The following NALCN variants were observed in gnomAD, a reference collection of about 807,000 sequenced individuals.
NALCN encodes sodium leak channel, non-selective.
A neutral mutation model predicts 225.3 loss-of-function variants in NALCN; 111 were observed. The observed-to-expected ratio is 0.49, with a 90% CI of 0.42 to 0.58. The LOEUF is 0.58. Among genes scored for constraint, NALCN ranks in the 20% least tolerant of loss-of-function variants. The pLI, the probability that NALCN is intolerant of heterozygous loss-of-function variation, is 0.00. For missense variants in NALCN, 1,378 were observed against 2,202.4 expected (o/e 0.63, Z 7.49); for synonymous variants, 764 against 769.0 (o/e 0.99, Z 0.11).
chr13:101,287,626 G>T lies in NALCN; in HGVS notation c.1048-3607C>A, dbSNP rs138252672. Among the ~76,000 whole-genome samples the T allele has an allele frequency of 3.5e-4, 54 of 152,306 alleles. 1 individual carries two copies. The highest frequency in any genetic ancestry group is 1.2e-3 in the African/African-American group (51 of 41,568). The stretch of plus-strand genomic sequence containing the variant: ...CAATATATGGGAGTGACTGTAAGAA[G>T]ATGTTCTGAATTAGTAGAATCTCAC... On this transcript the variant is annotated intron_variant, in intron 9 of 43. Coordinates refer to ENST00000251127, the MANE Select transcript of NALCN (RefSeq NM_052867.4).
chr13:101,248,494 G>A (rs1011885130), intron 11 of NALCN, among the ~76,000 whole-genome samples: 2 of 152,090 alleles, frequency 1.3e-5, no homozygotes, highest in Non-Finnish European at 2.9e-5. Flanking sequence ...GTAGTTTATG[G>A]CAATGAGATC....
At chr13:101,066,213 C>CTATTTGGGA (rs1474673790) in intron 39 of NALCN, among the ~76,000 whole-genome samples, 1 of 150,440 alleles carries the variant, frequency 6.6e-6, no homozygotes, top group Admixed American at 6.6e-5. Context: ...GTAGTCCCAG[C>CTATTTGGGA]TATTTGGGAG....
At chr13:101,216,614 G>A (rs990165841) in intron 13 of NALCN, among the ~76,000 whole-genome samples, 1 of 152,064 alleles carries the variant, frequency 6.6e-6, no homozygotes, top group Non-Finnish European at 1.5e-5. Context: ...TGAACTAATA[G>A]TTTTAAATAT....
chr13:101,212,958 T>C (rs1420617009), intron 13 of NALCN, among the ~76,000 whole-genome samples: 2 of 152,102 alleles, frequency 1.3e-5, no homozygotes, highest in South Asian at 2.1e-4. Context: ...TTAAAGTTCA[T>C]ATGGAACCAA....
chr13:101,408,486 G>T (rs2047685258), intron 1 of NALCN, among the ~76,000 whole-genome samples: 1 of 152,138 alleles, frequency 6.6e-6, no homozygotes, highest in East Asian at 1.9e-4. Flanking sequence ...GGAGAACTAA[G>T]ACAGCATCAA....
At chr13:101,212,826 T>C (rs1014331185) in intron 13 of NALCN, among the ~76,000 whole-genome samples, 1 of 152,024 alleles carries the variant, frequency 6.6e-6, no homozygotes, top group Non-Finnish European at 1.5e-5. Context: ...TGAAGTCTTA[T>C]CCATCTGATA....
chr13:101,092,219 C>T (rs1164354156), intron 28 of NALCN, among the ~76,000 whole-genome samples: 1 of 152,082 alleles, frequency 6.6e-6, no homozygotes. Context: ...AGTTTTTTAC[C>T]TCCCAGAGGA....
intron 14 of NALCN, among the ~76,000 whole-genome samples, chr13:101,182,130 T>A (rs2139966621): frequency 2.2e-5 from 1 of 46,208 alleles, no homozygotes; most frequent in African/African-American, 9.1e-5. Context: ...CGAGACTCCA[T>A]CTCAAAAAAA....
rs1425652143 is a variant in NALCN at position 101,124,286 on chromosome 13, C to T, written c.2192+322G>A. On this transcript the variant is annotated intron_variant, in intron 18 of 43. Coordinates refer to ENST00000251127, the MANE Select transcript of NALCN (RefSeq NM_052867.4). Reference sequence around the variant, plus strand: ...CTTTTACCATTTATCCTTTAGATTGCAATTTCTCCTTTACATATCACAAAA... The same window carrying T: ...CTTTTACCATTTATCCTTTAGATTGTAATTTCTCCTTTACATATCACAAAA... 2.3e-4 allele frequency among the ~76,000 whole-genome samples: 35 copies of T among 152,030 alleles called. 2 individuals are homozygous for T. Among genetic ancestry groups the T allele is most frequent in the Admixed American group, 2.3e-3 (35 of 15,264 alleles).
Position 101,337,515 on chromosome 13 carries a change from C to T in NALCN, c.799+7751G>A, listed in dbSNP as rs991765276. ...TAGAGACAGGATTTCACTATGTTGC[C>T]CAGGCTGGTCTTGAATTCCTGACCT... On this transcript the variant is annotated intron_variant, in intron 7 of 43. Coordinates refer to ENST00000251127, the MANE Select transcript of NALCN (RefSeq NM_052867.4). Among the ~76,000 whole-genome samples, 6 of 151,972 alleles carry T rather than the reference C, an allele frequency of 3.9e-5. 1 individual carries two copies. Among genetic ancestry groups the T allele is most frequent in the African/African-American group, 1.5e-4 (6 of 41,378 alleles).
rs376367069 is a variant in NALCN, at chr13:101,406,763, G to T, written c.-39-7598C>A. ...CATTTATTATTCCTTTTTCCTTGAGGATGAATCCTAGAAATATTCTATTAT... is the reference window on the plus strand; with the variant it reads ...CATTTATTATTCCTTTTTCCTTGAGTATGAATCCTAGAAATATTCTATTAT... On this transcript the variant is annotated intron_variant, in intron 1 of 43. Coordinates refer to ENST00000251127, the MANE Select transcript of NALCN (RefSeq NM_052867.4). Among the ~76,000 whole-genome samples the T allele has an allele frequency of 2.0e-5, 3 of 152,148 alleles. No individual in the cohort carries two copies. In the East Asian group the frequency reaches 5.8e-4, roughly 29 times the overall value.
chr13:101,110,519 T>TGGGAATGCA (rs1430482503), intron 20 of NALCN, 100 bp downstream of exon 20: 31 of 1,265,630 alleles, frequency 2.4e-5, no homozygotes, highest in Non-Finnish European at 9.1e-6. Context: ...TAAGGAGACA[T>TGGGAATGCA]GGGAATGCAG....
chr13:101,279,613 G>A (rs1451582252), intron 10 of NALCN, among the ~76,000 whole-genome samples: 1 of 151,172 alleles, frequency 6.6e-6, no homozygotes, highest in Non-Finnish European at 1.5e-5. Flanking sequence ...TCAGGAGATC[G>A]AGACCATCCC....
At position 101,300,378 on chromosome 13, in the gene NALCN, C is replaced by T. The variant is rs902135767; in HGVS notation, c.800-8012G>A. Reference sequence around the variant, plus strand: ...TCTTTCTTTCTTTCTTTCCTTCCTTCCTTCCTTCCTTCCTTCCTTCCCTCC... The same window carrying T: ...TCTTTCTTTCTTTCTTTCCTTCCTTTCTTCCTTCCTTCCTTCCTTCCCTCC... On this transcript the variant is annotated intron_variant, in intron 7 of 43. Coordinates refer to ENST00000251127, the MANE Select transcript of NALCN (RefSeq NM_052867.4). Among the ~76,000 whole-genome samples, 5 of 143,468 alleles carry T rather than the reference C, an allele frequency of 3.5e-5. No homozygotes were observed. The Admixed American group carries it at 3.6e-4, about 10-fold the overall frequency. The allele number at this position is 143,468 out of a possible 152,430, so 94.1% of individuals were successfully genotyped here.
At chr13:101,120,931 A>G (rs766853361) in intron 18 of NALCN, among the ~76,000 whole-genome samples, 2 of 152,174 alleles carry the variant, frequency 1.3e-5, no homozygotes, top group Non-Finnish European at 2.9e-5. Context: ...ACAGACCTCC[A>G]TCCTACAAAC....
At chr13:101,345,453 T>C in intron 6 of NALCN, 33 bp from the exon 7 acceptor site, 1 of 1,601,102 alleles carries the variant, frequency 6.2e-7, no homozygotes, top group Non-Finnish European at 8.5e-7. Flanking sequence ...TTAGACAATT[T>C]CAACAATCAT....
chr13:101,178,670 C>T (rs1420583076), intron 14 of NALCN, among the ~76,000 whole-genome samples: 1 of 152,132 alleles, frequency 6.6e-6, no homozygotes, highest in East Asian at 1.9e-4. Flanking sequence ...TTTTAATTTT[C>T]CTTTGGATAA....
chr13:101,313,380 T>C (rs1454884506), intron 7 of NALCN, among the ~76,000 whole-genome samples: 1 of 152,122 alleles, frequency 6.6e-6, no homozygotes, highest in Non-Finnish European at 1.5e-5. Context: ...GAAACCGTCA[T>C]CAGAGTGAAT....
intron 26 of NALCN, among the ~76,000 whole-genome samples, chr13:101,101,354 C>T (rs1403729695): frequency 7.0e-6 from 1 of 143,706 alleles, no homozygotes; most frequent in African/African-American, 2.7e-5. Flanking sequence ...AATCTCAGCT[C>T]ACTGCAACCT....
Sources: allele counts gnomAD v4.1 joint callset (sites outside exome capture counted in the v4.1 genomes callset), GRCh38; gene constraint gnomAD v4.1.1; transcripts MANE v1.5; gene names NCBI Gene and HGNC (gene_info 2026-07-23, HGNC 2026-07-21).